The following SLC44A5 variants were observed in gnomAD, a reference collection of about 807,000 sequenced individuals.
SLC44A5 encodes solute carrier family 44 member 5, also known as choline transporter-like protein 5.
A neutral mutation model predicts 101.8 loss-of-function variants in SLC44A5; 57 were observed. That is an observed-to-expected ratio of 0.56 (90% CI 0.45 to 0.70). The LOEUF (loss-of-function observed/expected upper bound fraction) is 0.70. Among genes scored for constraint, SLC44A5 ranks in the 30% least tolerant of loss-of-function variants. The pLI, the probability that SLC44A5 is intolerant of heterozygous loss-of-function variation, is 0.00. For missense variants in SLC44A5, 737 were observed against 853.1 expected, an observed-to-expected ratio of 0.86 and a Z score of 1.70; for synonymous variants, 281 against 290.9, an observed-to-expected ratio of 0.97 and a Z score of 0.35.
At chr1:75,429,724 G>A (rs1477816191) in intron 2 of SLC44A5, among the ~76,000 whole-genome samples, 1 of 152,100 alleles carries the variant, frequency 6.6e-6, no homozygotes, top group Non-Finnish European at 1.5e-5. Context: ...GAGAGATCAA[G>A]CAAGGGGTGG....
chr1:75,217,357 C>G (rs1236773729), intron 18 of SLC44A5, among the ~76,000 whole-genome samples: 1 of 152,052 alleles, frequency 6.6e-6, no homozygotes, highest in Non-Finnish European at 1.5e-5. Flanking sequence ...AAGTATGAGT[C>G]TTCCAGCTTT....
In SLC44A5 at chr1:75,401,670, T is replaced by A. The variant is rs144890064; in HGVS notation, c.14-5049A>T. Reference sequence around the variant, plus strand: ...TGGGATGGGAAGGAGAATGAACACATTTGACTGTCATATAGAAGGCCCCAG... The same window carrying A: ...TGGGATGGGAAGGAGAATGAACACAATTGACTGTCATATAGAAGGCCCCAG... On this transcript the variant is annotated intron_variant, in intron 2 of 23. Transcript: ENST00000370859. Among the ~76,000 whole-genome samples the A allele has an allele frequency of 9.8e-3, 1,489 of 152,038 alleles. 76 individuals are homozygous for A. Among genetic ancestry groups the A allele is most frequent in the Admixed American group, 0.087 (1,329 of 15,256 alleles).
intron 2 of SLC44A5, among the ~76,000 whole-genome samples, chr1:75,470,700 G>A (rs747975568): frequency 7.9e-5 from 12 of 150,950 alleles, no homozygotes; most frequent in South Asian, 4.3e-4. Context: ...AGAGGAAATG[G>A]AATGTCCAAG....
chr1:75,205,234 C>T (rs1255660253), intron 23 of SLC44A5: 3 of 152,106 alleles, frequency 2.0e-5, no homozygotes, highest in Non-Finnish European at 4.4e-5. Flanking sequence ...ATAATTAATA[C>T]GTATTTAGAT....
chr1:75,441,495 GAA>G (rs1225047033), intron 2 of SLC44A5, among the ~76,000 whole-genome samples: 1 of 139,208 alleles, frequency 7.2e-6, no homozygotes, highest in East Asian at 2.1e-4. Context: ...AAAAGTCAAG[GAA>G]AAAAAAAACA....
the SLC44A5 span, among the ~76,000 whole-genome samples, chr1:75,690,868 C>A: frequency 6.6e-6 from 1 of 152,122 alleles, no homozygotes; most frequent in African/African-American, 2.4e-5. Flanking sequence ...TGGCTCATGC[C>A]AGTAATCCCA....
intron 3 of SLC44A5, among the ~76,000 whole-genome samples, chr1:75,373,466 C>T (rs1660361029): frequency 6.6e-6 from 1 of 152,174 alleles, no homozygotes; most frequent in Non-Finnish European, 1.5e-5. Flanking sequence ...TTCTTAGAGA[C>T]CAGACAGAGG....
chr1:75,611,169 A>T (rs1675639671), upstream of SLC44A5: 1 of 875,386 alleles, frequency 1.1e-6, no homozygotes, highest in Non-Finnish European at 1.4e-6. Flanking sequence ...ACTAAGGGCC[A>T]TACCCCATTC....
the SLC44A5 span, among the ~76,000 whole-genome samples, chr1:75,645,521 A>G: frequency 6.6e-6 from 1 of 151,442 alleles, no homozygotes; most frequent in African/African-American, 2.4e-5. Context: ...TAGATTCTGG[A>G]TATTAGCCGT....
intron 2 of SLC44A5, among the ~76,000 whole-genome samples, chr1:75,435,264 T>C (rs1307486381): frequency 6.6e-6 from 1 of 152,150 alleles, no homozygotes; most frequent in East Asian, 1.9e-4. Flanking sequence ...GAAATATATA[T>C]GTCAATTAAC....
In SLC44A5 at chr1:75,495,430, G is replaced by A. The variant is rs12138482; in HGVS notation, c.13+46005C>T. Among the ~76,000 whole-genome samples the A allele has an allele frequency of 5.7e-3, 873 of 152,028 alleles. 5 individuals carry two copies. The highest frequency in any genetic ancestry group is 9.1e-3 in the Non-Finnish European group (618 of 67,994). ...AGATTGCGCCACTGCACTCCAGCCC[G>A]GGTGACAGAGAGAGACTCCATCTCA... is the stretch of plus-strand genomic sequence containing the variant. On this transcript the variant is annotated intron_variant, in intron 2 of 23. Coordinates refer to ENST00000370859, the MANE Select transcript of SLC44A5 (RefSeq NM_001130058.2).
At chr1:75,710,237 G>A in the SLC44A5 span, 2 of 152,092 alleles carry the variant, frequency 1.3e-5, no homozygotes, top group Non-Finnish European at 2.9e-5. Flanking sequence ...AATATGTAGA[G>A]TTAATTGTAC....
chr1:75,712,071 A>G, the SLC44A5 span, among the ~76,000 whole-genome samples: 1 of 152,234 alleles, frequency 6.6e-6, no homozygotes, highest in East Asian at 1.9e-4. Context: ...CCATATAAGC[A>G]TTCTCTTTGT....
intron 2 of SLC44A5, among the ~76,000 whole-genome samples, chr1:75,496,544 T>C (rs1668681253): frequency 6.6e-6 from 1 of 151,646 alleles, no homozygotes; most frequent in Non-Finnish European, 1.5e-5. Flanking sequence ...TCTATGATGT[T>C]GGTCTTGATG....
At chr1:75,494,177 C>A (rs1668557374) in intron 2 of SLC44A5, among the ~76,000 whole-genome samples, 1 of 152,170 alleles carries the variant, frequency 6.6e-6, no homozygotes, top group African/African-American at 2.4e-5. Context: ...GGTGACACAG[C>A]AGGAATGCCT....
chr1:75,623,459 C>T, the SLC44A5 span, among the ~76,000 whole-genome samples: 53 of 152,066 alleles, frequency 3.5e-4, no homozygotes, highest in Admixed American at 2.2e-3. Flanking sequence ...AGCATCCCAC[C>T]AATTTTTTAA....
At chr1:75,576,490 ATT>A (rs34086425) in intron 1 of SLC44A5, among the ~76,000 whole-genome samples, 4 of 150,582 alleles carry the variant, frequency 2.7e-5, no homozygotes, top group South Asian at 4.2e-4. Context: ...ATTTTTTTGT[ATT>A]TTTTTTTAGT....
rs950899948 is a variant in SLC44A5 at position 75,390,131 on chromosome 1, G to T, written c.52+6452C>A. On this transcript the variant is annotated intron_variant, in intron 3 of 23. Transcript: ENST00000370859. ...AGGAAGAAACTGAAACACTGAACAG[G>T]CCAATAATGAATTCTGAAATAGAGC... Among the ~76,000 whole-genome samples the T allele has an allele frequency of 2.6e-5, 4 of 151,762 alleles. No individual in the cohort carries two copies. In the East Asian group the frequency reaches 7.7e-4, roughly 29 times the overall value.
chr1:75,321,276 C>T lies in SLC44A5; in HGVS notation c.101+18306G>A, dbSNP rs551227106. ...CTCAGTACCAATTTATTTCTCTTAGCTCAGGCTGCTATTAACAAACACCAC... is the reference window on the plus strand; with the variant it reads ...CTCAGTACCAATTTATTTCTCTTAGTTCAGGCTGCTATTAACAAACACCAC... On this transcript the variant is annotated intron_variant, in intron 4 of 23. Transcript: ENST00000370859. Among the ~76,000 whole-genome samples the T allele has an allele frequency of 2.6e-5, 4 of 152,208 alleles. No homozygotes were observed. In the South Asian group the frequency reaches 6.2e-4, roughly 24 times the overall value.
Sources: gnomAD v4.1 joint callset for allele counts (sites outside exome capture counted in the v4.1 genomes callset) on GRCh38, gnomAD v4.1.1 for gene constraint, MANE v1.5 for transcripts, NCBI Gene and HGNC (gene_info 2026-07-23, HGNC 2026-07-21) for gene names.